POU6F2: variants seen among roughly 807,000 people sequenced by gnomAD.
POU6F2 encodes POU domain, class 6, transcription factor 2.
In POU6F2, 31 loss-of-function variants were observed where a neutral mutation model predicts 71.3. The observed-to-expected ratio is 0.43, with a 90% confidence interval of 0.33 to 0.59. The LOEUF (loss-of-function observed/expected upper bound fraction) is 0.59. Among genes scored for constraint, POU6F2 ranks in the 20% least tolerant of loss-of-function variants. The pLI is 0.04. For synonymous variants in POU6F2, 347 were observed against 355.7 expected, an observed-to-expected ratio of 0.98 and a Z score of 0.27; for missense variants, 783 against 856.8, an observed-to-expected ratio of 0.91 and a Z score of 1.07.
intron 4 of POU6F2, among the ~76,000 whole-genome samples, chr7:39,286,939 CT>C (rs57938154): frequency 0.064 from 9,410 of 146,528 alleles, 484 homozygotes; most frequent in African/African-American, 0.13. Context: ...TTTGAGGTAT[CT>C]TTTTTTTTTT....
At chr7:39,402,809 A>G (rs1787333711) in intron 5 of POU6F2, among the ~76,000 whole-genome samples, 1 of 152,234 alleles carries the variant, frequency 6.6e-6, no homozygotes, top group African/African-American at 2.4e-5. Context: ...TGCTCTAAAA[A>G]TAGGGAATAG....
intron 2 of POU6F2, among the ~76,000 whole-genome samples, chr7:39,145,106 G>T (rs1162610558): frequency 5.9e-5 from 9 of 152,122 alleles, no homozygotes; most frequent in Admixed American, 3.9e-4. Flanking sequence ...ACTTAAATCT[G>T]ATATTTCAAG....
At chr7:39,372,672 A>T (rs1452283216) in intron 5 of POU6F2, among the ~76,000 whole-genome samples, 1 of 152,260 alleles carries the variant, frequency 6.6e-6, no homozygotes, top group East Asian at 1.9e-4. Flanking sequence ...TTGATCACAC[A>T]TCTAAGCACC....
chr7:39,158,004 G>T (rs927853177), intron 2 of POU6F2, among the ~76,000 whole-genome samples: 7 of 152,278 alleles, frequency 4.6e-5, no homozygotes, highest in Middle Eastern at 3.4e-3. Context: ...CATGCTACAG[G>T]CTGAAGAGCA....
chr7:39,185,025 A>G lies in POU6F2; in HGVS notation c.278-19210A>G, dbSNP rs368182430. The stretch of plus-strand genomic sequence containing the variant: ...TATTTATTTGTATACGGAAGACTCA[A>G]TTACATAGATACATATCATTTTAAC... On this transcript the variant is annotated intron_variant, in intron 2 of 9. Coordinates refer to ENST00000518318, the MANE Select transcript of POU6F2 (RefSeq NM_001370959.1). Among the ~76,000 whole-genome samples, 69 of 152,340 alleles carry G rather than the reference A, an allele frequency of 4.5e-4. 4 individuals are homozygous for G. In the South Asian group the frequency reaches 0.011, roughly 25 times the overall value.
At chr7:39,128,959 A>C (rs1159737822) in intron 2 of POU6F2, among the ~76,000 whole-genome samples, 1 of 152,234 alleles carries the variant, frequency 6.6e-6, no homozygotes, top group Admixed American at 6.5e-5. Flanking sequence ...AGACTCTCTT[A>C]ATGCAGTTAG....
intron 7 of POU6F2, among the ~76,000 whole-genome samples, chr7:39,450,562 G>C (rs1205271349): frequency 6.6e-6 from 1 of 152,124 alleles, no homozygotes; most frequent in Admixed American, 6.5e-5. Context: ...TCTCTCCTCA[G>C]CTGAGCTCCT....
intron 4 of POU6F2, among the ~76,000 whole-genome samples, chr7:39,271,446 G>C (rs4577868): frequency 0.32 from 45,240 of 142,218 alleles, 7,483 homozygotes; most frequent in East Asian, 0.48. Flanking sequence ...GTTTTATTTT[G>C]TTTTGTTTTA....
In POU6F2 at chr7:39,264,525, C is replaced by T. The variant is rs141131410; in HGVS notation, c.598+56905C>T. ...TCCCAGCTGGTGTCTAAACTTTGTT[C>T]ATCTCTATAATTCTGCCAAACCTGG... On this transcript the variant is annotated intron_variant, in intron 4 of 9. Transcript: ENST00000518318. Among the ~76,000 whole-genome samples the T allele has an allele frequency of 4.9e-3, 742 of 152,140 alleles. 1 individual carries two copies. The highest frequency in any genetic ancestry group is 6.9e-3 in the Non-Finnish European group (468 of 67,986).
intron 1 of POU6F2, among the ~76,000 whole-genome samples, chr7:39,060,370 T>G (rs890838055): frequency 2.0e-5 from 3 of 152,144 alleles, no homozygotes; most frequent in Admixed American, 2.0e-4. Flanking sequence ...ATTTTTAAGG[T>G]GTTGAAATGT....
chr7:39,118,829 A>G (rs1445132052), intron 2 of POU6F2, among the ~76,000 whole-genome samples: 1 of 152,222 alleles, frequency 6.6e-6, no homozygotes, highest in Non-Finnish European at 1.5e-5. Flanking sequence ...CACCAAAGTA[A>G]ATGACCATGA....
chr7:39,094,634 A>G (rs1791419141), intron 2 of POU6F2, among the ~76,000 whole-genome samples: 1 of 152,128 alleles, frequency 6.6e-6, no homozygotes, highest in Non-Finnish European at 1.5e-5. Context: ...TTTTAATACC[A>G]ATATGGCAAG....
chr7:39,232,853 T>C (rs1185388732), intron 4 of POU6F2, among the ~76,000 whole-genome samples: 1 of 152,232 alleles, frequency 6.6e-6, no homozygotes, highest in Non-Finnish European at 1.5e-5. Context: ...TCCATGGCAT[T>C]AAACTAAGGA....
intron 1 of POU6F2, among the ~76,000 whole-genome samples, chr7:39,031,201 C>T (rs914677160): frequency 3.9e-5 from 6 of 152,024 alleles, no homozygotes; most frequent in African/African-American, 1.4e-4. Flanking sequence ...GCCTGGCCAA[C>T]TTTATTTTTA....
At chr7:39,078,179 ATTTCCAAATAG>A (rs1298050705) in intron 1 of POU6F2, among the ~76,000 whole-genome samples, 1 of 152,178 alleles carries the variant, frequency 6.6e-6, no homozygotes. Context: ...ATTGCCAATT[ATTTCCAAATAG>A]TTTACTTGAC....
At chr7:39,212,964 G>A (rs959338608) in intron 4 of POU6F2, among the ~76,000 whole-genome samples, 4 of 152,194 alleles carry the variant, frequency 2.6e-5, no homozygotes, top group African/African-American at 9.7e-5. Flanking sequence ...GCAGCAAAAG[G>A]GTTAATGGAA....
At position 39,289,341 on chromosome 7, in the gene POU6F2, G is replaced by A. The variant is rs114234797; in HGVS notation, c.599-50301G>A. On this transcript the variant is annotated intron_variant, in intron 4 of 9. Transcript: ENST00000518318. Reference sequence around the variant, plus strand: ...TTCTAGCTATGAAACCACCCACCACGTGACCATTTTATTTTCAAGTCAAAC... The same window carrying A: ...TTCTAGCTATGAAACCACCCACCACATGACCATTTTATTTTCAAGTCAAAC... 1.1e-3 allele frequency among the ~76,000 whole-genome samples: 175 copies of A among 152,296 alleles called. 1 individual carries two copies. Among genetic ancestry groups the A allele is most frequent in the African/African-American group, 4.1e-3 (172 of 41,558 alleles).
chr7:39,017,667 C>T (rs369149788), intron 1 of POU6F2, among the ~76,000 whole-genome samples: 12 of 152,106 alleles, frequency 7.9e-5, no homozygotes, highest in East Asian at 1.9e-4. Context: ...GTAGCCATAC[C>T]GGGCGTTCCT....
intron 4 of POU6F2, among the ~76,000 whole-genome samples, chr7:39,217,462 A>G (rs1172474194): frequency 6.6e-6 from 1 of 152,192 alleles, no homozygotes; most frequent in Non-Finnish European, 1.5e-5. Context: ...GACCACACTC[A>G]GAAAGTTGCA....
Sources: gnomAD v4.1 joint callset for allele counts (sites outside exome capture counted in the v4.1 genomes callset) on GRCh38, gnomAD v4.1.1 for gene constraint, MANE v1.5 for transcripts, NCBI Gene and HGNC (gene_info 2026-07-23, HGNC 2026-07-21) for gene names.